The following ITGB6 variants were observed in gnomAD, a reference collection of about 807,000 sequenced individuals.
ITGB6 encodes integrin beta-6.
A neutral mutation model predicts 84.5 loss-of-function variants in ITGB6; 80 were observed. The ratio of observed to expected loss-of-function variants is 0.95; its 90% CI spans 0.79 to 1.14. The LOEUF (loss-of-function observed/expected upper bound fraction) is 1.14, where lower values mean the gene tolerates loss of function less well. ITGB6 is among the 50% of genes most tolerant of loss of function. The pLI is 0.00. For missense variants in ITGB6, 1,006 were observed against 968.0 expected, an observed-to-expected ratio of 1.04 and a Z score of -0.52; for synonymous variants, 383 against 354.9, an observed-to-expected ratio of 1.08 and a Z score of -0.89.
chr2:160,146,106 T>C lies in ITGB6; in HGVS notation c.1018-4035A>G, dbSNP rs527240448. Among the ~76,000 whole-genome samples the C allele has an allele frequency of 1.1e-3, 152 of 142,560 alleles. 1 individual carries two copies. The Middle Eastern group carries it at 0.025, about 23-fold the overall frequency. The allele number at this position is 142,560 out of a possible 152,430, so 93.5% of individuals were successfully genotyped here. On this transcript the variant is annotated intron_variant, in intron 7 of 14. Transcript: ENST00000283249. ...CATTTGATATAGACCATGTGAGGCATGCCCCTCATTTGAGGCATGCCCCTC... is the reference window on the plus strand; with the variant it reads ...CATTTGATATAGACCATGTGAGGCACGCCCCTCATTTGAGGCATGCCCCTC...
At chr2:160,131,007 T>C (rs1277139381) in intron 10 of ITGB6, among the ~76,000 whole-genome samples, 1 of 152,174 alleles carries the variant, frequency 6.6e-6, no homozygotes, top group Non-Finnish European at 1.5e-5. Context: ...GCCACTGACC[T>C]GGTTTCCAAA....
intron 7 of ITGB6, among the ~76,000 whole-genome samples, chr2:160,159,187 A>G (rs564721503): frequency 1.2e-4 from 18 of 151,570 alleles, no homozygotes; most frequent in African/African-American, 4.4e-4. Context: ...CCTGTCCCCC[A>G]GGTTGATTGG....
chr2:160,152,495 T>A (rs1490112241), intron 7 of ITGB6, among the ~76,000 whole-genome samples: 1 of 152,202 alleles, frequency 6.6e-6, no homozygotes, highest in African/African-American at 2.4e-5. Context: ...AATATCATAC[T>A]GAATGGGCAA....
At position 160,169,234 on chromosome 2, in the gene ITGB6, T is replaced by C. The variant is rs771900116; in HGVS notation, c.995A>G (p.Gln332Arg). The C allele has an allele frequency of 6.2e-7, 1 of 1,602,650 alleles. No individual in the cohort carries two copies. Among genetic ancestry groups the C allele is most frequent in the East Asian group, 2.2e-5 (1 of 44,718 alleles). Residue 332 changes from glutamine (Q) to arginine (R), a missense_variant, in exon 7 of 15, where the codon CAA (glutamine) becomes CGA (arginine). Transcript: ENST00000283249. Reference protein sequence around the residue: ...NNVLLIFAVTQEQVHLYENYA... With the variant: ...NNVLLIFAVTREQVHLYENYA... The stretch of plus-strand genomic sequence containing the variant: ...TACCTCATATAAATGAACTTGTTCT[T>C]GGGTTACAGCGAAGATCAATAACAC...
At chr2:160,174,412 A>AGTGT (rs141343115) in intron 4 of ITGB6, among the ~76,000 whole-genome samples, 1 of 151,682 alleles carries the variant, frequency 6.6e-6, no homozygotes, top group African/African-American at 2.4e-5. Context: ...ATCAGACTCC[A>AGTGT]GTGTGTGTGT....
chr2:160,164,076 C>G (rs560866083), intron 7 of ITGB6, among the ~76,000 whole-genome samples: 11 of 152,324 alleles, frequency 7.2e-5, no homozygotes, highest in African/African-American at 2.6e-4. Context: ...AAAACATTGA[C>G]AGACATGAAA....
intron 7 of ITGB6, among the ~76,000 whole-genome samples, chr2:160,150,943 AG>A (rs1684390778): frequency 6.6e-6 from 1 of 152,216 alleles, no homozygotes; most frequent in East Asian, 1.9e-4. Flanking sequence ...AGGAGCACCC[AG>A]ATTCATAAAG....
At chr2:160,155,180 C>T (rs1310064992) in intron 7 of ITGB6, among the ~76,000 whole-genome samples, 1 of 152,108 alleles carries the variant, frequency 6.6e-6, no homozygotes, top group African/African-American at 2.4e-5. Flanking sequence ...TACCCAGTCC[C>T]AGGTAGTTCT....
chr2:160,164,412 C>T (rs1684926749), intron 7 of ITGB6, among the ~76,000 whole-genome samples: 1 of 152,158 alleles, frequency 6.6e-6, no homozygotes, highest in Non-Finnish European at 1.5e-5. Context: ...CCATTTTAGG[C>T]TGGGCACAGT....
chr2:160,101,787 T>C lies in ITGB6; in HGVS notation c.2316A>G (p.Val772=). 6.2e-7 allele frequency: 1 copy of C among 1,604,064 alleles called. No individual in the cohort carries two copies. The change falls in exon 15 of 15, where the codon GTA becomes GTG. Residue 772 remains valine, a synonymous_variant. Transcript: ENST00000283249. ...YRGSTSTFKN[V]TYKHREKQKV... ...TTTGTTTTTCCCTGTGTTTATAAGT[T>C]ACATTTTTAAAAGTACTTGTGGATC...
intron 12 of ITGB6, among the ~76,000 whole-genome samples, chr2:160,112,892 CA>C (rs1246730377): frequency 9.9e-5 from 15 of 151,918 alleles, no homozygotes; most frequent in Non-Finnish European, 1.5e-5. Context: ...AATGTCATGA[CA>C]GAAATTAAAA....
intron 7 of ITGB6, among the ~76,000 whole-genome samples, chr2:160,151,590 A>G (rs930496923): frequency 3.5e-4 from 53 of 152,188 alleles, no homozygotes; most frequent in Non-Finnish European, 2.9e-5. Flanking sequence ...AGAAATAACT[A>G]AGATCAGAGC....
chr2:160,145,127 C>T (rs940548895), intron 7 of ITGB6, among the ~76,000 whole-genome samples: 3 of 152,116 alleles, frequency 2.0e-5, no homozygotes, highest in African/African-American at 7.2e-5. Context: ...TGTAATTAAA[C>T]ATGTTTAATG....
At chr2:160,155,185 A>G (rs1242410574) in intron 7 of ITGB6, among the ~76,000 whole-genome samples, 2 of 152,188 alleles carry the variant, frequency 1.3e-5, no homozygotes, top group East Asian at 1.9e-4. Flanking sequence ...AGTCCCAGGT[A>G]GTTCTCTATA....
chr2:160,196,373 T>C lies in ITGB6; in HGVS notation c.189A>G (p.Ala63=). 1 of 1,614,096 alleles carries C rather than the reference T, an allele frequency of 6.2e-7. No individual in the cohort carries two copies. The highest frequency in any genetic ancestry group is 8.5e-7 in the Non-Finnish European group (1 of 1,180,000). The change falls in exon 3 of 15, where the codon GCA becomes GCG. Residue 63 remains alanine (A), a synonymous_variant. Transcript: ENST00000283249. ...SGVGERCDTP[A]NLLAKGCQLN... Reference sequence around the variant, plus strand: ...ATTGACATCCTTTAGCTAAAAGGTTTGCTGGGGTATCACACCTTTCGCCAA... The same window carrying C: ...ATTGACATCCTTTAGCTAAAAGGTTCGCTGGGGTATCACACCTTTCGCCAA...
intron 7 of ITGB6, among the ~76,000 whole-genome samples, chr2:160,146,039 A>T (rs910304348): frequency 2.0e-5 from 3 of 152,060 alleles, no homozygotes; most frequent in Non-Finnish European, 4.4e-5. Flanking sequence ...CATTTCTACT[A>T]TAGTCTCAGA....
At chr2:160,141,690 G>A (rs981436525) in intron 8 of ITGB6, among the ~76,000 whole-genome samples, 5 of 152,098 alleles carry the variant, frequency 3.3e-5, no homozygotes, top group Middle Eastern at 3.4e-3. Flanking sequence ...TGTATGACTC[G>A]TGGAGCCTTT....
rs2305819 is a variant in ITGB6 at position 160,126,549 on chromosome 2, G to A, written c.1713C>T (p.Gly571=). The change falls in exon 11 of 15, where the codon GGC becomes GGT. Residue 571 remains glycine (G), a synonymous_variant. Transcript: ENST00000283249. The part of the protein sequence containing the change: ...GECVCRSGWT[G]EYCNCTTSTD... ...TGCTGGTGGTGCAGTTGCAGTACTC[G>A]CCAGTCCAGCCGCTCCTGCACACAC... The A allele has an allele frequency of 6.2e-6, 10 of 1,613,634 alleles. No individual in the cohort carries two copies. In the East Asian group the frequency reaches 1.8e-4, roughly 29 times the overall value.
intron 12 of ITGB6, among the ~76,000 whole-genome samples, chr2:160,115,614 T>C (rs1039655144): frequency 6.6e-6 from 1 of 152,146 alleles, no homozygotes; most frequent in African/African-American, 2.4e-5. Flanking sequence ...CCTCTCCTCC[T>C]CCAAAGGAAT....
Sources: gnomAD v4.1 joint callset for allele counts (sites outside exome capture counted in the v4.1 genomes callset) on GRCh38, gnomAD v4.1.1 for gene constraint, MANE v1.5 for transcripts, NCBI Gene and HGNC (gene_info 2026-07-23, HGNC 2026-07-21) for gene names.